Variants in BSPH1 observed in about 807,000 individuals in gnomAD.
BSPH1 encodes binder of sperm protein homolog 1.
Under a neutral mutation model 22.5 loss-of-function variants are expected in BSPH1, and 21 were observed. The observed-to-expected ratio is 0.93, with a 90% CI of 0.66 to 1.35. The LOEUF (loss-of-function observed/expected upper bound fraction) is 1.35, where lower values mean the gene tolerates loss of function less well. Among genes scored for constraint, BSPH1 ranks in the 40% most tolerant of loss-of-function variants. BSPH1 has a pLI of 0.00. For synonymous variants in BSPH1, 42 were observed against 53.6 expected (o/e 0.78, Z 0.95); for missense variants, 141 against 154.2 (o/e 0.91, Z 0.45).
chr19:47,982,120 T>C (rs1401417954), intron 1 of BSPH1, among the ~76,000 whole-genome samples: 1 of 152,192 alleles, frequency 6.6e-6, no homozygotes, highest in Non-Finnish European at 1.5e-5. Context: ...TAAGATGATG[T>C]CAGATAGAAA....
At chr19:47,980,772 A>T in intron 2 of BSPH1, 149 bp downstream of exon 2, 1 of 520,802 alleles carries the variant, frequency 1.9e-6, no homozygotes, top group Middle Eastern at 5.2e-4. Context: ...CATTTTTAAC[A>T]TGAAATTTAC....
At chr19:47,979,540 T>C (rs1162554648) in intron 3 of BSPH1, 30 bp downstream of exon 3, 29 of 1,106,088 alleles carry the variant, frequency 2.6e-5, no homozygotes, top group Non-Finnish European at 3.6e-5. Flanking sequence ...AAAATATACA[T>C]TAATAATCAA....
At chr19:47,980,979 T>C in intron 1 of BSPH1, 38 bp from the exon 2 acceptor site, 1 of 1,203,988 alleles carries the variant, frequency 8.3e-7, no homozygotes, top group Non-Finnish European at 1.2e-6. Flanking sequence ...TTATGTCACT[T>C]TAAAATAAAA....
chr19:47,980,637 T>G (rs1288201586), intron 2 of BSPH1, among the ~76,000 whole-genome samples: 1 of 151,808 alleles, frequency 6.6e-6, no homozygotes, highest in Admixed American at 6.6e-5. Context: ...CCCAGTTAAT[T>G]TTTTGTAGTT....
intron 5 of BSPH1, among the ~76,000 whole-genome samples, chr19:47,972,997 C>T (rs999421893): frequency 3.3e-5 from 5 of 151,684 alleles, no homozygotes; most frequent in Non-Finnish European, 7.4e-5. Flanking sequence ...GCGGGTGGAT[C>T]ACGAGGTCAG....
intron 5 of BSPH1, among the ~76,000 whole-genome samples, chr19:47,973,515 G>C (rs1427003334): frequency 2.0e-5 from 3 of 152,002 alleles, no homozygotes; most frequent in African/African-American, 7.3e-5. Context: ...ACAATAAAAA[G>C]TACAGCTCCC....
intron 5 of BSPH1, among the ~76,000 whole-genome samples, chr19:47,973,499 A>C (rs1969331474): frequency 6.6e-6 from 1 of 152,138 alleles, no homozygotes; most frequent in Non-Finnish European, 1.5e-5. Flanking sequence ...CTTTTCATTC[A>C]TAACGACAAT....
At chr19:47,988,394 C>G (rs1412287023) in intron 1 of BSPH1, among the ~76,000 whole-genome samples, 1 of 152,170 alleles carries the variant, frequency 6.6e-6, no homozygotes, top group East Asian at 1.9e-4. Flanking sequence ...GATGTGGGAA[C>G]TCACAGACAT....
intron 1 of BSPH1, among the ~76,000 whole-genome samples, chr19:47,991,302 T>A (rs1377148867): frequency 6.6e-6 from 1 of 152,126 alleles, no homozygotes; most frequent in Admixed American, 6.5e-5. Flanking sequence ...GACCAGCTGA[T>A]GTCCAAGATT....
chr19:47,991,406 A>T (rs1966872929), intron 1 of BSPH1, among the ~76,000 whole-genome samples: 1 of 132,802 alleles, frequency 7.5e-6, no homozygotes, highest in Non-Finnish European at 1.6e-5. Flanking sequence ...CTCCTTTTTC[A>T]CCTTCTCCTC....
At chr19:47,976,638 C>T (rs1969367197) in intron 5 of BSPH1, 72 bp downstream of exon 5, 2 of 1,213,656 alleles carry the variant, frequency 1.6e-6, no homozygotes, top group Admixed American at 2.4e-5. Context: ...TCTCCTCTGC[C>T]AACAAAAACT....
At chr19:47,975,518 G>A (rs35030465) in intron 5 of BSPH1, among the ~76,000 whole-genome samples, 31,403 of 152,094 alleles carry the variant, frequency 0.21, 3,485 homozygotes, top group Middle Eastern at 0.27. Flanking sequence ...GCCCTTGTTC[G>A]TGTGGTTCAT....
rs866499678 is a variant in BSPH1, at chr19:47,991,893, C to A, written c.73+116G>T. ...TCCTTCCTCCTCCTTCCCCTCTTCCCCTTCCTCCTCTTCTTTCATCTTTCA... is the reference window on the plus strand; with the variant it reads ...TCCTTCCTCCTCCTTCCCCTCTTCCACTTCCTCCTCTTCTTTCATCTTTCA... On this transcript the variant is annotated intron_variant, in intron 1 of 5. Coordinates refer to ENST00000344839, the MANE Select transcript of BSPH1 (RefSeq NM_001128326.2). 1.7e-5 allele frequency: 11 copies of A among 629,340 alleles called. No homozygotes were observed. In the African/African-American group the frequency reaches 1.8e-4, roughly 11 times the overall value. The allele number at this position is 629,340 out of a possible 1,614,324, so 39.0% of individuals were successfully genotyped here.
chr19:47,980,823 G>A (rs1269441952), intron 2 of BSPH1, 98 bp downstream of exon 2: 1 of 668,574 alleles, frequency 1.5e-6, no homozygotes, highest in Non-Finnish European at 2.6e-6. Flanking sequence ...TTAATGAAAA[G>A]TATGATTTCT....
intron 5 of BSPH1, 113 bp downstream of exon 5, chr19:47,976,596 AC>A (rs66641477): frequency 0.082 from 27,164 of 330,952 alleles, 679 homozygotes; most frequent in African/African-American, 0.1. Flanking sequence ...AAAAAAAAAA[AC>A]AAAAAAAAAC....
At chr19:47,984,132 C>T (rs1450870252) in intron 1 of BSPH1, among the ~76,000 whole-genome samples, 1 of 133,178 alleles carries the variant, frequency 7.5e-6, no homozygotes, top group African/African-American at 2.9e-5. Flanking sequence ...CAGGTGTAAG[C>T]CACCATGCCT....
intron 5 of BSPH1, among the ~76,000 whole-genome samples, chr19:47,971,833 C>A (rs184885473): frequency 6.6e-6 from 1 of 152,094 alleles, no homozygotes; most frequent in Non-Finnish European, 1.5e-5. Context: ...TAAGAACACG[C>A]GTCTTGTTTT....
rs1455963914 is a variant in BSPH1, at chr19:47,992,070, C to G, written c.12G>C (p.Leu4=). Residue 4 remains leucine, a synonymous_variant, in exon 1 of 6, where the codon CTG becomes CTC. Coordinates refer to ENST00000344839, the MANE Select transcript of BSPH1 (RefSeq NM_001128326.2). MGS[L]MLLFVETTRN... is the part of the protein sequence containing the mutation. ...GCGTCGTTTCCACGAAGAGAAGCATCAGGGAGCCCATGGGCAGTCACAGGC... is the reference window on the plus strand; with the variant it reads ...GCGTCGTTTCCACGAAGAGAAGCATGAGGGAGCCCATGGGCAGTCACAGGC... 1 of 1,551,192 alleles carries G rather than the reference C, an allele frequency of 6.4e-7. No homozygotes were observed. Among genetic ancestry groups the G allele is most frequent in the African/African-American group, 1.4e-5 (1 of 73,030 alleles).
intron 5 of BSPH1, among the ~76,000 whole-genome samples, chr19:47,973,813 C>T (rs562662344): frequency 4.6e-5 from 7 of 152,306 alleles, no homozygotes; most frequent in African/African-American, 1.7e-4. Context: ...ATCTACTGAG[C>T]CTCTACCTGC....
Sources: allele counts gnomAD v4.1 joint callset (sites outside exome capture counted in the v4.1 genomes callset), GRCh38; gene constraint gnomAD v4.1.1; transcripts MANE v1.5; gene names NCBI Gene and HGNC (gene_info 2026-07-23, HGNC 2026-07-21).